IQSEC3: variants seen among roughly 807,000 people sequenced by gnomAD.
The protein encoded by IQSEC3 is IQ motif and SEC7 domain-containing protein 3.
In IQSEC3, 50 loss-of-function variants were observed where a neutral mutation model predicts 105.4. The ratio of observed to expected loss-of-function variants is 0.47; its 90% CI spans 0.38 to 0.60. The LOEUF (loss-of-function observed/expected upper bound fraction) is 0.60. Ranked by LOEUF, IQSEC3 falls within the 20% of genes least tolerant of loss-of-function variation. The pLI is 0.00. For synonymous variants in IQSEC3, 708 were observed against 746.0 expected, an observed-to-expected ratio of 0.95 and a Z score of 0.83; for missense variants, 1,415 against 1,630.0, an observed-to-expected ratio of 0.87 and a Z score of 2.27.
intron 3 of IQSEC3, among the ~76,000 whole-genome samples, chr12:132,594 G>T (rs1314623522): frequency 6.6e-6 from 1 of 152,104 alleles, no homozygotes; most frequent in Admixed American, 6.5e-5. Context: ...ATTGCAAAAG[G>T]TATAGGGGTG....
intron 3 of IQSEC3, among the ~76,000 whole-genome samples, chr12:131,173 C>CT (rs1555085016): frequency 1.3e-5 from 2 of 152,188 alleles, no homozygotes; most frequent in Non-Finnish European, 2.9e-5. Context: ...CTAATTAACA[C>CT]TGAGAGGCTC....
intron 2 of IQSEC3, among the ~76,000 whole-genome samples, chr12:118,052 C>A (rs1418846494): frequency 6.6e-6 from 1 of 152,144 alleles, no homozygotes; most frequent in African/African-American, 2.4e-5. Context: ...CTGCCTGATG[C>A]CAAAGTGTCT....
chr12:71,525 G>A (rs1863317879), intron 1 of IQSEC3, among the ~76,000 whole-genome samples: 1 of 152,270 alleles, frequency 6.6e-6, no homozygotes, highest in Admixed American at 6.5e-5. Flanking sequence ...CAAAGAGCAG[G>A]TTTTCTTCAC....
chr12:173,071 C>T (rs371172303), intron 13 of IQSEC3, among the ~76,000 whole-genome samples: 18 of 152,284 alleles, frequency 1.2e-4, no homozygotes, highest in East Asian at 9.7e-4. Flanking sequence ...TCTCAGGCCC[C>T]GTGTCTCCTG....
chr12:122,099 AG>A (rs1404677653), intron 2 of IQSEC3, among the ~76,000 whole-genome samples: 2 of 152,180 alleles, frequency 1.3e-5, no homozygotes, highest in Non-Finnish European at 2.9e-5. Context: ...AGGCAAGGAT[AG>A]GGGTTCCCTT....
intron 8 of IQSEC3, 140 bp downstream of exon 8, chr12:162,205 C>A: frequency 2.1e-6 from 2 of 943,448 alleles, no homozygotes; most frequent in Non-Finnish European, 3.1e-6. Flanking sequence ...CTACTGTGTG[C>A]CAGACACTGC....
rs1555097194 is a variant in IQSEC3, at chr12:163,606, A to G, written c.2696A>G (p.Asn899Ser). The G allele has an allele frequency of 6.0e-6, 9 of 1,511,736 alleles. No individual in the cohort carries two copies. Among genetic ancestry groups the G allele is most frequent in the Non-Finnish European group, 5.5e-6 (6 of 1,087,852 alleles). The allele number at this position is 1,511,736 out of a possible 1,614,324, so 93.6% of individuals were successfully genotyped here. Reference sequence around the variant, plus strand: ...CATCAGAGGGAGGTGTTCCTCTTCAATGACCTGCTGGTGGTGAGTGGCCTC... The same window carrying G: ...CATCAGAGGGAGGTGTTCCTCTTCAGTGACCTGCTGGTGGTGAGTGGCCTC... ...AAHQREVFLF[N>S]DLLVILKLCP... The change falls in exon 9 of 14, where the codon AAT becomes AGT. Residue 899 changes from asparagine (N) to serine (S), a missense_variant. This residue lies in a region of IQSEC3 where 419 missense variants were observed against 436.2 expected (regional missense o/e 0.96). Transcript: ENST00000538872.
intron 1 of IQSEC3, among the ~76,000 whole-genome samples, chr12:69,478 A>G (rs2136853321): frequency 6.6e-6 from 1 of 152,382 alleles, no homozygotes; most frequent in Middle Eastern, 3.4e-3. Context: ...GAACAAAAAT[A>G]AAAAATAATT....
chr12:138,435 T>C lies in IQSEC3; in HGVS notation c.1072T>C (p.Ser358Pro). ...GCGGATCTCCCTGCGCAAGGTGCGG[T>C]CACCCACGGCCGAGAGCCTGGCGGC... Reference protein sequence around the residue: ...PRRISLRKVRSPTAESLAAEK... With the variant: ...PRRISLRKVRPPTAESLAAEK... The change falls in exon 4 of 14, where the codon TCA (serine) becomes CCA (proline). Residue 358 changes from serine to proline, a missense_variant. Physicochemically the swap from Ser to Pro is moderately conservative, Grantham distance 74 (BLOSUM62 -1). Transcript: ENST00000538872. This position sits in a 1 kb window ranked among gnomAD's most constrained non-coding sequence, Gnocchi z 7.1. 1 of 1,606,504 alleles carries C rather than the reference T, an allele frequency of 6.2e-7. No homozygotes were observed. Among genetic ancestry groups the C allele is most frequent in the Non-Finnish European group, 8.5e-7 (1 of 1,179,558 alleles).
chr12:82,327 A>G (rs1029445404), intron 1 of IQSEC3, among the ~76,000 whole-genome samples: 3 of 152,218 alleles, frequency 2.0e-5, no homozygotes, highest in Non-Finnish European at 4.4e-5. Flanking sequence ...GAAGACTGGC[A>G]AAATATATGT....
intron 3 of IQSEC3, among the ~76,000 whole-genome samples, chr12:133,996 G>A (rs1415673754): frequency 4.6e-5 from 7 of 152,248 alleles, no homozygotes; most frequent in Non-Finnish European, 7.3e-5. Context: ...CAGCGGCAGC[G>A]GAGTCAGCAG....
chr12:92,601 C>T (rs1431929823), intron 1 of IQSEC3, among the ~76,000 whole-genome samples: 1 of 152,242 alleles, frequency 6.6e-6, no homozygotes, highest in Non-Finnish European at 1.5e-5. Context: ...ACTTCTCCAG[C>T]AGCGATGGGG....
intron 5 of IQSEC3, chr12:144,352 T>G (rs1866170557): frequency 6.6e-6 from 1 of 152,230 alleles, no homozygotes; most frequent in African/African-American, 2.4e-5. Context: ...AAGGCTTCAC[T>G]GGGATTCTAT....
At chr12:154,859 C>CTGTCCCTCCCTTTCTCTCCTTGCT (rs1866633222) in intron 5 of IQSEC3, among the ~76,000 whole-genome samples, 1 of 152,096 alleles carries the variant, frequency 6.6e-6, no homozygotes, top group South Asian at 2.1e-4. Context: ...TCCTCCTTGC[C>CTGTCCCTCCCTTTCTCTCCTTGCT]TGTCCCTCCC....
intron 1 of IQSEC3, among the ~76,000 whole-genome samples, chr12:88,029 C>G (rs2136897965): frequency 6.6e-6 from 1 of 152,324 alleles, no homozygotes; most frequent in African/African-American, 2.4e-5. Context: ...CAGCACCTCT[C>G]TAAGGCCAGC....
At chr12:139,406 G>C in intron 4 of IQSEC3, 52 bp downstream of exon 4, 1 of 1,422,376 alleles carries the variant, frequency 7.0e-7, no homozygotes, top group Non-Finnish European at 9.4e-7. Context: ...TGGGAGGGAG[G>C]GAAGGAGGAG....
At chr12:101,212 C>A (rs1424217089) in intron 2 of IQSEC3, among the ~76,000 whole-genome samples, 5 of 152,204 alleles carry the variant, frequency 3.3e-5, no homozygotes, top group Admixed American at 3.3e-4. Flanking sequence ...CACTCCCCTG[C>A]TGCCTGTGTC....
intron 1 of IQSEC3, among the ~76,000 whole-genome samples, chr12:82,139 C>T (rs951102856): frequency 2.0e-5 from 3 of 151,968 alleles, no homozygotes; most frequent in Admixed American, 1.3e-4. Flanking sequence ...TTAAGACAGT[C>T]GGGGAATTTG....
At chr12:127,048 C>A (rs542850778) in intron 3 of IQSEC3, among the ~76,000 whole-genome samples, 17 of 152,222 alleles carry the variant, frequency 1.1e-4, no homozygotes, top group African/African-American at 4.1e-4. Context: ...GTTCTCAAAC[C>A]GAATTATCCA....
Sources: allele counts gnomAD v4.1 joint callset (sites outside exome capture counted in the v4.1 genomes callset), GRCh38; gene constraint gnomAD v4.1.1; regional missense constraint gnomAD v4.1.1; non-coding constraint Gnocchi (gnomAD v3.1); transcripts MANE v1.5; gene names NCBI Gene and HGNC (gene_info 2026-07-23, HGNC 2026-07-21).